Variants in AUTS2 observed in about 807,000 individuals in gnomAD.
The protein encoded by AUTS2 is autism susceptibility gene 2 protein.
In AUTS2, 17 loss-of-function variants were observed where a neutral mutation model predicts 112.4. That is an observed-to-expected ratio of 0.15 (90% confidence interval 0.10 to 0.23). The LOEUF (loss-of-function observed/expected upper bound fraction) is 0.23, where lower values mean the gene tolerates loss of function less well. Among genes scored for constraint, AUTS2 ranks in the 10% least tolerant of loss-of-function variants. AUTS2 has a pLI of 1.00. For missense variants in AUTS2, 1,510 were observed against 1,701.6 expected, an observed-to-expected ratio of 0.89 and a Z score of 1.98; for synonymous variants, 751 against 702.7, an observed-to-expected ratio of 1.07 and a Z score of -1.09.
intron 4 of AUTS2, among the ~76,000 whole-genome samples, chr7:70,270,265 A>G (rs12112638): frequency 0.32 from 48,878 of 152,002 alleles, 8,361 homozygotes; most frequent in African/African-American, 0.44. Flanking sequence ...GTCCCAGCAA[A>G]TAACAACAAC....
chr7:70,440,396 A>G (rs1252298060), intron 5 of AUTS2, among the ~76,000 whole-genome samples: 4 of 152,304 alleles, frequency 2.6e-5, no homozygotes, highest in East Asian at 3.9e-4. Context: ...CCTGAGTGAC[A>G]GAGTGAGACC....
intron 1 of AUTS2, among the ~76,000 whole-genome samples, chr7:69,750,277 A>G (rs1012731113): frequency 6.6e-6 from 1 of 151,962 alleles, no homozygotes; most frequent in African/African-American, 2.4e-5. Flanking sequence ...TCTGACCCAC[A>G]TGAGAAGGTG....
At chr7:70,348,667 A>G (rs1476838051) in intron 4 of AUTS2, among the ~76,000 whole-genome samples, 1 of 152,076 alleles carries the variant, frequency 6.6e-6, no homozygotes, top group Non-Finnish European at 1.5e-5. Flanking sequence ...AAAATTAGCC[A>G]GGCGAGGTGG....
intron 4 of AUTS2, among the ~76,000 whole-genome samples, chr7:70,219,229 TTTTA>T (rs1397393402): frequency 6.6e-6 from 1 of 152,196 alleles, no homozygotes; most frequent in Non-Finnish European, 1.5e-5. Context: ...AGTGATACAT[TTTTA>T]TTTAAGACAC....
At chr7:69,746,090 A>T (rs1389825913) in intron 1 of AUTS2, among the ~76,000 whole-genome samples, 3 of 151,792 alleles carry the variant, frequency 2.0e-5, no homozygotes. Context: ...ACCAAGGCTG[A>T]TCTTGAAATC....
intron 2 of AUTS2, among the ~76,000 whole-genome samples, chr7:70,013,745 G>A (rs766730348): frequency 6.6e-6 from 1 of 152,138 alleles, no homozygotes; most frequent in Non-Finnish European, 1.5e-5. Flanking sequence ...TTGAGACGGA[G>A]TCTCTCTCTG....
chr7:69,626,140 A>T (rs1793933782), intron 1 of AUTS2, among the ~76,000 whole-genome samples: 1 of 152,166 alleles, frequency 6.6e-6, no homozygotes, highest in African/African-American at 2.4e-5. Context: ...AGCTGCATGG[A>T]TGGCAGAGAC....
intron 4 of AUTS2, among the ~76,000 whole-genome samples, chr7:70,364,110 A>T (rs1792420599): frequency 6.6e-6 from 1 of 152,192 alleles, no homozygotes; most frequent in Non-Finnish European, 1.5e-5. Context: ...GATGGTGATC[A>T]TATGCCTTCA....
intron 4 of AUTS2, among the ~76,000 whole-genome samples, chr7:70,422,083 C>T (rs1795246830): frequency 6.6e-6 from 1 of 151,934 alleles, no homozygotes. Flanking sequence ...AGGCAGATAC[C>T]CAATAAAGGG....
At chr7:70,629,885 G>A (rs1185248295) in intron 5 of AUTS2, among the ~76,000 whole-genome samples, 2 of 151,660 alleles carry the variant, frequency 1.3e-5, no homozygotes, top group African/African-American at 4.9e-5. Flanking sequence ...TATTGGATTT[G>A]TTTAATGAAA....
rs1286908398 is a variant in AUTS2 at position 69,782,734 on chromosome 7, T to C, written c.310-116552T>C. On this transcript the variant is annotated intron_variant, in intron 1 of 18. Coordinates refer to ENST00000342771, the MANE Select transcript of AUTS2 (RefSeq NM_015570.4). ...TATAACTTTTAGAGCAGATCCTCTA[T>C]TGGGAAGGAGCAATATGTTATGTTA... 3.3e-5 allele frequency among the ~76,000 whole-genome samples: 5 copies of C among 152,148 alleles called. No individual in the cohort carries two copies. In the East Asian group the frequency reaches 9.6e-4, roughly 29 times the overall value.
chr7:69,922,511 T>A (rs189894949), intron 2 of AUTS2, among the ~76,000 whole-genome samples: 27 of 152,314 alleles, frequency 1.8e-4, no homozygotes, highest in African/African-American at 6.5e-4. Flanking sequence ...ATACATACAG[T>A]AAGTATAAAT....
chr7:70,283,248 T>G (rs1788306417), intron 4 of AUTS2, among the ~76,000 whole-genome samples: 1 of 152,186 alleles, frequency 6.6e-6, no homozygotes, highest in Non-Finnish European at 1.5e-5. Context: ...TTCGTTTATG[T>G]TTTGTTTTGT....
At chr7:70,505,946 C>T (rs537605395) in intron 5 of AUTS2, among the ~76,000 whole-genome samples, 1 of 152,310 alleles carries the variant, frequency 6.6e-6, no homozygotes, top group East Asian at 1.9e-4. Flanking sequence ...GTTAATTACC[C>T]ACCCCTTCTT....
chr7:69,779,695 G>A (rs774701956), intron 1 of AUTS2, among the ~76,000 whole-genome samples: 15 of 150,614 alleles, frequency 1.0e-4, no homozygotes, highest in Non-Finnish European at 1.3e-4. Flanking sequence ...CTCGGGAGGC[G>A]GAGGTTGCAG....
intron 1 of AUTS2, among the ~76,000 whole-genome samples, chr7:69,873,400 C>T (rs998802005): frequency 5.4e-5 from 8 of 147,320 alleles, no homozygotes; most frequent in African/African-American, 1.8e-4. Context: ...ATTTAGTTGC[C>T]GTTGGGTGGG....
intron 6 of AUTS2, among the ~76,000 whole-genome samples, chr7:70,719,437 A>G (rs1585566205): frequency 6.6e-6 from 1 of 152,082 alleles, no homozygotes; most frequent in Non-Finnish European, 1.5e-5. Flanking sequence ...GGCTTCCCCT[A>G]TCACTAATAT....
intron 2 of AUTS2, among the ~76,000 whole-genome samples, chr7:69,902,258 A>G (rs1299856368): frequency 6.6e-6 from 1 of 152,158 alleles, no homozygotes; most frequent in Non-Finnish European, 1.5e-5. Flanking sequence ...TAGATGTTCA[A>G]AAAGCTTGTC....
intron 2 of AUTS2, among the ~76,000 whole-genome samples, chr7:70,081,127 C>G (rs1329404181): frequency 6.6e-6 from 1 of 152,004 alleles, no homozygotes; most frequent in African/African-American, 2.4e-5. Context: ...GGAGGCTAGC[C>G]TTTATTTTGC....
Sources: allele counts gnomAD v4.1 joint callset (sites outside exome capture counted in the v4.1 genomes callset), GRCh38; gene constraint gnomAD v4.1.1; transcripts MANE v1.5; gene names NCBI Gene and HGNC (gene_info 2026-07-23, HGNC 2026-07-21).